The following ADGRE1 variants were observed in gnomAD, a reference collection of about 807,000 sequenced individuals.
ADGRE1 encodes EGF-like module receptor 1.
In ADGRE1, 82 loss-of-function variants were observed where a neutral mutation model predicts 102.7. That is an observed-to-expected ratio of 0.80 (90% confidence interval 0.67 to 0.96). The LOEUF is 0.96. Among genes scored for constraint, ADGRE1 ranks in the 40% least tolerant of loss-of-function variants. The pLI, the probability that ADGRE1 is intolerant of heterozygous loss-of-function variation, is 0.00. For synonymous variants in ADGRE1, 398 were observed against 399.6 expected, an observed-to-expected ratio of 1.00 and a Z score of 0.05; for missense variants, 1,032 against 1,085.3, an observed-to-expected ratio of 0.95 and a Z score of 0.69.
chr19:6,922,208 G>T (rs2144984637), intron 14 of ADGRE1, among the ~76,000 whole-genome samples: 1 of 152,274 alleles, frequency 6.6e-6, no homozygotes, highest in South Asian at 2.1e-4. Context: ...CACAGAATGG[G>T]TAAAGTGGCC....
chr19:6,910,585 T>TTG (rs1341304407), intron 10 of ADGRE1, among the ~76,000 whole-genome samples: 3 of 149,260 alleles, frequency 2.0e-5, no homozygotes, highest in Non-Finnish European at 4.5e-5. Flanking sequence ...TTTTTTTTTT[T>TTG]TTTTGAGATG....
At chr19:6,933,385 C>CTTTTT (rs34493324) in intron 17 of ADGRE1, among the ~76,000 whole-genome samples, 3 of 129,892 alleles carry the variant, frequency 2.3e-5, no homozygotes, top group African/African-American at 8.7e-5. Flanking sequence ...AGTGTGAAGA[C>CTTTTT]TTTTTTTTTT....
chr19:6,937,434 A>AAC, intron 19 of ADGRE1, 23 bp downstream of exon 19: 1 of 1,002,394 alleles, frequency 1.0e-6, no homozygotes, highest in Non-Finnish European at 1.4e-6. Flanking sequence ...TGCCCTCCCC[A>AAC]TCCCCCTCCT....
At chr19:6,937,117 C>T (rs1308105701) in intron 18 of ADGRE1, 126 bp from the exon 19 acceptor site, 2 of 1,027,542 alleles carry the variant, frequency 1.9e-6, no homozygotes, top group African/African-American at 1.6e-5. Flanking sequence ...GGAGACCCCA[C>T]CCTACATTTG....
intron 5 of ADGRE1, among the ~76,000 whole-genome samples, chr19:6,900,680 A>G (rs1365672554): frequency 1.3e-5 from 2 of 152,038 alleles, no homozygotes; most frequent in African/African-American, 4.8e-5. Flanking sequence ...TGTCTAGTGC[A>G]TTGTTATTCT....
chr19:6,890,130 G>A (rs1279607673), intron 1 of ADGRE1, among the ~76,000 whole-genome samples: 3 of 151,976 alleles, frequency 2.0e-5, no homozygotes, highest in Non-Finnish European at 2.9e-5. Flanking sequence ...TGTCCAGGCC[G>A]GTGTCAAACT....
intron 8 of ADGRE1, 125 bp from the exon 9 acceptor site, chr19:6,906,308 C>A: frequency 1.4e-6 from 1 of 724,072 alleles, no homozygotes; most frequent in Non-Finnish European, 2.4e-6. Context: ...TCATTTTCCC[C>A]CTTGTGTATT....
At chr19:6,919,885 T>A in intron 13 of ADGRE1, 138 bp downstream of exon 13, 1 of 761,642 alleles carries the variant, frequency 1.3e-6, no homozygotes, top group Non-Finnish European at 2.1e-6. Flanking sequence ...TCAAGCCAAT[T>A]AACAGAAGCT....
intron 15 of ADGRE1, among the ~76,000 whole-genome samples, chr19:6,926,067 A>G (rs937399495): frequency 1.3e-5 from 2 of 152,068 alleles, no homozygotes; most frequent in African/African-American, 4.8e-5. Flanking sequence ...CCTGTTTTCA[A>G]CCATTCCCTA....
In ADGRE1 at chr19:6,920,231, C is replaced by CTTTTCTTTT. The variant is rs536488711; in HGVS notation, c.1620+488_1620+489insCTTTTTTTT. ...GGATCCTGCTATGTGGTGGTTGCTTCTTTTTTTTTTTTTAGTCTCACTCTG... is the reference window on the plus strand; with the variant it reads ...GGATCCTGCTATGTGGTGGTTGCTTCTTTTCTTTTTTTTTTTTTTTTTAGTCTCACTCTG... On this transcript the variant is annotated intron_variant, in intron 13 of 20. Transcript: ENST00000312053. 2.0e-3 allele frequency among the ~76,000 whole-genome samples: 163 copies of CTTTTCTTTT among 79,772 alleles called. 12 individuals are homozygous for CTTTTCTTTT. Among genetic ancestry groups the CTTTTCTTTT allele is most frequent in the African/African-American group, 3.1e-3 (39 of 12,560 alleles). The allele number at this position is 79,772 out of a possible 152,430, so 52.3% of individuals were successfully genotyped here.
intron 18 of ADGRE1, 96 bp from the exon 19 acceptor site, chr19:6,937,147 T>G: frequency 7.0e-7 from 1 of 1,418,574 alleles, no homozygotes; most frequent in Non-Finnish European, 9.6e-7. Context: ...AGGTGGCAAA[T>G]TGGAGAGTGG....
intron 11 of ADGRE1, 101 bp from the exon 12 acceptor site, chr19:6,916,148 T>C (rs1974371102): frequency 2.2e-6 from 3 of 1,357,956 alleles, no homozygotes; most frequent in Non-Finnish European, 2.0e-6. Context: ...ATTCTTTTCC[T>C]TTGCTCGCCA....
At chr19:6,912,371 T>C (rs917688433) in intron 10 of ADGRE1, among the ~76,000 whole-genome samples, 11 of 152,250 alleles carry the variant, frequency 7.2e-5, no homozygotes, top group Admixed American at 7.2e-4. Context: ...ACCTGCTAGA[T>C]ATGAGTCCTT....
chr19:6,904,620 C>T (rs1240568223), intron 8 of ADGRE1, among the ~76,000 whole-genome samples: 1 of 151,744 alleles, frequency 6.6e-6, no homozygotes, highest in Non-Finnish European at 1.5e-5. Context: ...ATTCTTCTGC[C>T]TCAGCCTCCT....
intron 10 of ADGRE1, among the ~76,000 whole-genome samples, chr19:6,912,120 A>G: frequency 6.7e-6 from 1 of 149,390 alleles, no homozygotes; most frequent in South Asian, 2.1e-4. Context: ...ATACATATAC[A>G]CAAACACACA....
chr19:6,921,330 A>G (rs1974658200), intron 13 of ADGRE1, among the ~76,000 whole-genome samples: 2 of 152,024 alleles, frequency 1.3e-5, no homozygotes, highest in Non-Finnish European at 2.9e-5. Context: ...GCTGAGGCAG[A>G]AGAATCGCTT....
In ADGRE1 at chr19:6,908,777, C is replaced by T. The variant is rs772824131; in HGVS notation, c.1122+5C>T. The T allele has an allele frequency of 5.6e-6, 9 of 1,600,304 alleles. No individual in the cohort carries two copies. Among genetic ancestry groups the T allele is most frequent in the East Asian group, 2.2e-5 (1 of 44,634 alleles). Reference sequence around the variant, plus strand: ...ACGACCGTAGTTTCTCTGAAGGTAACGATTGGGTCTTTTAAATTGTGTTTT... The same window carrying T: ...ACGACCGTAGTTTCTCTGAAGGTAATGATTGGGTCTTTTAAATTGTGTTTT... On this transcript the variant is annotated splice_donor_5th_base_variant and intron_variant, in intron 10 of 20. Coordinates refer to ENST00000312053, the MANE Select transcript of ADGRE1 (RefSeq NM_001974.5).
At chr19:6,904,663 G>A (rs1382494705) in intron 8 of ADGRE1, among the ~76,000 whole-genome samples, 2 of 151,496 alleles carry the variant, frequency 1.3e-5, no homozygotes, top group African/African-American at 4.9e-5. Context: ...CCGCCACCAC[G>A]CCTGGCTAAT....
chr19:6,931,900 C>A (rs2145021006), intron 17 of ADGRE1, among the ~76,000 whole-genome samples: 2 of 152,234 alleles, frequency 1.3e-5, no homozygotes, highest in East Asian at 3.9e-4. Flanking sequence ...GATTCTATTT[C>A]CAAATAAGGT....
Sources: gnomAD v4.1 joint callset for allele counts (sites outside exome capture counted in the v4.1 genomes callset) on GRCh38, gnomAD v4.1.1 for gene constraint, MANE v1.5 for transcripts, NCBI Gene and HGNC (gene_info 2026-07-23, HGNC 2026-07-21) for gene names.